Variants in ATP11B observed in about 807,000 individuals in gnomAD.
ATP11B encodes the protein phospholipid-transporting ATPase IF.
A neutral mutation model predicts 157.8 loss-of-function variants in ATP11B; 81 were observed. The ratio of observed to expected loss-of-function variants is 0.51; its 90% CI spans 0.43 to 0.62. The LOEUF (loss-of-function observed/expected upper bound fraction) is 0.62, where lower values mean the gene tolerates loss of function less well. ATP11B is among the 20% of genes least tolerant of loss of function. The pLI is 0.00. For synonymous variants in ATP11B, 451 were observed against 469.4 expected (o/e 0.96, Z 0.51); for missense variants, 1,165 against 1,402.2 (o/e 0.83, Z 2.70).
chr3:182,817,304 C>A (rs1165097659), intron 1 of ATP11B, among the ~76,000 whole-genome samples: 1 of 150,860 alleles, frequency 6.6e-6, no homozygotes, highest in African/African-American at 2.4e-5. Context: ...GTTTTTGAGA[C>A]AGAGTCTTGC....
Position 182,866,402 on chromosome 3 carries a change from A to G in ATP11B, c.1578A>G (p.Ala526=), listed in dbSNP as rs1721234999. 1 of 1,612,460 alleles carries G rather than the reference A, an allele frequency of 6.2e-7. No homozygotes were observed. Among genetic ancestry groups the G allele is most frequent in the Non-Finnish European group, 8.5e-7 (1 of 1,179,074 alleles). Residue 526 remains alanine, a synonymous_variant, in exon 14 of 30, where the codon GCA becomes GCG. Transcript: ENST00000323116. Reference sequence around the variant, plus strand: ...CACCATCGCAGTTGGAGTACTATGCATCTTCACCAGATGAAAAGGCTCTAG... The same window carrying G: ...CACCATCGCAGTTGGAGTACTATGCGTCTTCACCAGATGAAAAGGCTCTAG... ...NLAPSQLEYY[A]SSPDEKALVE...
intron 1 of ATP11B, among the ~76,000 whole-genome samples, chr3:182,813,204 C>T (rs1716774370): frequency 6.6e-6 from 1 of 152,060 alleles, no homozygotes; most frequent in Non-Finnish European, 1.5e-5. Context: ...CTTCGAGCTC[C>T]TTCTTTCACT....
intron 21 of ATP11B, among the ~76,000 whole-genome samples, 182 bp from the exon 22 acceptor site, chr3:182,884,571 G>A (rs1049245234): frequency 4.6e-5 from 7 of 151,768 alleles, no homozygotes; most frequent in African/African-American, 9.7e-5. Flanking sequence ...GATAAATATC[G>A]TAGCCTTATA....
chr3:182,896,785 A>G lies in ATP11B; in HGVS notation c.3048+20A>G, dbSNP rs1723578960. On this transcript the variant is annotated intron_variant, in intron 26 of 29. Transcript: ENST00000323116. ...GTAAAGGTATGGTACTGAAATTAGA[A>G]ATGTGGACACATTTTGCAACTGTTT... 1.3e-6 allele frequency: 2 copies of G among 1,594,516 alleles called. No individual in the cohort carries two copies. Among genetic ancestry groups the G allele is most frequent in the Non-Finnish European group, 1.7e-6 (2 of 1,163,670 alleles).
intron 1 of ATP11B, among the ~76,000 whole-genome samples, chr3:182,802,607 C>G (rs1190457248): frequency 6.6e-6 from 1 of 152,140 alleles, no homozygotes; most frequent in Non-Finnish European, 1.5e-5. Context: ...GGCTCCTTCG[C>G]TCCTTTCAAG....
chr3:182,843,958 A>C (rs2108517699), intron 8 of ATP11B: 1 of 152,324 alleles, frequency 6.6e-6, no homozygotes, highest in South Asian at 2.1e-4. Context: ...CTGCTGAATA[A>C]CTATGCCTAG....
chr3:182,889,094 C>T (rs1462130602), intron 24 of ATP11B, among the ~76,000 whole-genome samples: 2 of 152,114 alleles, frequency 1.3e-5, no homozygotes, highest in Non-Finnish European at 2.9e-5. Flanking sequence ...ATCTCTTAAC[C>T]TTGTGATCCG....
chr3:182,916,404 T>C (rs1408774983), intron 29 of ATP11B: 1 of 985,230 alleles, frequency 1.0e-6, no homozygotes, highest in Non-Finnish European at 1.2e-6. Context: ...CAGATTTCTT[T>C]GGTGATTACA....
In ATP11B at chr3:182,870,394, CTTCT is replaced by C. The variant is rs1326751100; in HGVS notation, c.1866+1066_1866+1069del. Among the ~76,000 whole-genome samples, 14 of 152,298 alleles carry C rather than the reference CTTCT, an allele frequency of 9.2e-5. No homozygotes were observed. In the East Asian group the frequency reaches 1.9e-3, roughly 21 times the overall value. Reference sequence around the variant, plus strand: ...TCCACACTCACCTCTGCTCATCTGCCTTCTTTAACAGTTTATGATTTTTTTCCCA... The same window carrying C: ...TCCACACTCACCTCTGCTCATCTGCCTTAACAGTTTATGATTTTTTTCCCA... On this transcript the variant is annotated intron_variant, in intron 17 of 29. Transcript: ENST00000323116.
intron 28 of ATP11B, 36 bp from the exon 29 acceptor site, chr3:182,913,825 T>G: frequency 6.2e-7 from 1 of 1,613,840 alleles, no homozygotes; most frequent in African/African-American, 1.3e-5. Flanking sequence ...GTCCATATCT[T>G]TAAACAACTG....
At chr3:182,814,079 T>G (rs1445429534) in intron 1 of ATP11B, among the ~76,000 whole-genome samples, 1 of 152,090 alleles carries the variant, frequency 6.6e-6, no homozygotes. Context: ...TTTATTTATT[T>G]TGAGACGAGT....
chr3:182,858,648 CA>C (rs902658218), intron 11 of ATP11B, among the ~76,000 whole-genome samples: 67 of 152,088 alleles, frequency 4.4e-4, no homozygotes, highest in Admixed American at 1.9e-3. Flanking sequence ...TTCCTTTCAC[CA>C]ATGCATATTG....
At chr3:182,907,739 AAGACC>A (rs1724474391) in intron 28 of ATP11B, among the ~76,000 whole-genome samples, 2 of 152,248 alleles carry the variant, frequency 1.3e-5, no homozygotes, top group Non-Finnish European at 2.9e-5. Flanking sequence ...ATAATCTCCT[AAGACC>A]TGACTAAAAC....
chr3:182,825,722 CAAAAA>C (rs1214752270), intron 2 of ATP11B, among the ~76,000 whole-genome samples: 1 of 89,654 alleles, frequency 1.1e-5, no homozygotes. Context: ...GACTCTGTCT[CAAAAA>C]AAAAAAAAAA....
chr3:182,863,641 T>C (rs1721017217), intron 12 of ATP11B, among the ~76,000 whole-genome samples: 1 of 152,034 alleles, frequency 6.6e-6, no homozygotes, highest in South Asian at 2.1e-4. Flanking sequence ...AAAAAACAAC[T>C]CTTAGGAAGG....
At chr3:182,838,664 G>A (rs1418461478) in intron 7 of ATP11B, among the ~76,000 whole-genome samples, 2 of 151,816 alleles carry the variant, frequency 1.3e-5, no homozygotes, top group Non-Finnish European at 2.9e-5. Flanking sequence ...TGTGATAGGT[G>A]AATAAGATGA....
intron 10 of ATP11B, among the ~76,000 whole-genome samples, chr3:182,854,476 A>G (rs1400194142): frequency 1.7e-4 from 7 of 41,792 alleles, no homozygotes; most frequent in Non-Finnish European, 4.9e-4. Context: ...ATCTAAAAAA[A>G]CAAAACAAAA....
chr3:182,918,323 A>G lies in ATP11B; in HGVS notation c.*219A>G. 1.8e-6 allele frequency: 1 copy of G among 551,518 alleles called. No individual in the cohort carries two copies. The highest frequency in any genetic ancestry group is 2.8e-6 in the Non-Finnish European group (1 of 352,838). The allele number at this position is 551,518 out of a possible 1,614,324, so 34.2% of individuals were successfully genotyped here. The stretch of plus-strand genomic sequence containing the variant: ...CTGAACATGTTAAAATTTGAGAATA[A>G]AGAGACATTTTTCATCTCTTTGTCT... On this transcript the variant is annotated 3_prime_UTR_variant, in exon 30 of 30. Transcript: ENST00000323116.
At chr3:182,813,341 A>G (rs1434045311) in intron 1 of ATP11B, among the ~76,000 whole-genome samples, 1 of 152,216 alleles carries the variant, frequency 6.6e-6, no homozygotes, top group Non-Finnish European at 1.5e-5. Flanking sequence ...CCAGCAATGC[A>G]CAAGGGTTCC....
Sources: allele counts gnomAD v4.1 joint callset (sites outside exome capture counted in the v4.1 genomes callset), GRCh38; gene constraint gnomAD v4.1.1; transcripts MANE v1.5; gene names NCBI Gene and HGNC (gene_info 2026-07-23, HGNC 2026-07-21).